AFAP1: variants seen among roughly 807,000 people sequenced by gnomAD.
AFAP1 encodes the protein actin filament associated protein 1, also known as actin filament-associated protein 1.
A neutral mutation model predicts 93.9 loss-of-function variants in AFAP1; 75 were observed. That is an observed-to-expected ratio of 0.80 (90% confidence interval 0.66 to 0.97). The LOEUF (loss-of-function observed/expected upper bound fraction) is 0.97, where lower values mean the gene tolerates loss of function less well. Among genes scored for constraint, AFAP1 ranks in the 50% least tolerant of loss-of-function variants. The pLI is 0.00. For synonymous variants in AFAP1, 517 were observed against 430.7 expected (o/e 1.20, Z -2.48); for missense variants, 1,201 against 1,050.8 (o/e 1.14, Z -1.98).
intron 1 of AFAP1, among the ~76,000 whole-genome samples, chr4:7,884,991 T>A (rs1019950406): frequency 1.3e-5 from 2 of 152,182 alleles, no homozygotes; most frequent in African/African-American, 4.8e-5. Context: ...GAGGAGAGGC[T>A]GGGTCAATGG....
chr4:7,933,907 T>C (rs1166746018), intron 1 of AFAP1, among the ~76,000 whole-genome samples: 2 of 152,208 alleles, frequency 1.3e-5, no homozygotes, highest in Non-Finnish European at 2.9e-5. Context: ...TGTGAGATGA[T>C]ACAATTTCAA....
chr4:7,832,212 C>T (rs186174673), intron 6 of AFAP1, among the ~76,000 whole-genome samples: 38 of 151,964 alleles, frequency 2.5e-4, no homozygotes, highest in African/African-American at 8.7e-4. Flanking sequence ...TAAGTAAGCT[C>T]GACAGTAGAA....
At position 7,778,756 on chromosome 4, in the gene AFAP1, A is replaced by G; in HGVS notation, c.1897+6T>C. 4 of 1,612,338 alleles carry G rather than the reference A, an allele frequency of 2.5e-6. No individual in the cohort carries two copies. Among genetic ancestry groups the G allele is most frequent in the Non-Finnish European group, 3.4e-6 (4 of 1,178,360 alleles). ...CGGAATGCAAGACATCCGATGGTAT[A>G]CTTACTCGAACCCGTCCTTTTCACA... On this transcript the variant is annotated splice_donor_region_variant and intron_variant, in intron 14 of 17. Coordinates refer to ENST00000420658, the MANE Select transcript of AFAP1 (RefSeq NM_001134647.2).
At chr4:7,826,739 A>T (rs1721454750) in intron 6 of AFAP1, among the ~76,000 whole-genome samples, 1 of 152,154 alleles carries the variant, frequency 6.6e-6, no homozygotes, top group Non-Finnish European at 1.5e-5. Context: ...AGCTGCAACA[A>T]CGTGCAGCCC....
At chr4:7,862,787 A>G (rs917211509) in intron 3 of AFAP1, among the ~76,000 whole-genome samples, 1 of 152,144 alleles carries the variant, frequency 6.6e-6, no homozygotes, top group Admixed American at 6.6e-5. Flanking sequence ...GCCTTGATCT[A>G]GAGTTGTATG....
chr4:7,813,375 T>C lies in AFAP1; in HGVS notation c.904+2643A>G, dbSNP rs184971979. ...CACCATGCCAGACAAAAAGAAAATG[T>C]GTAAACCAAGGTCACCACCGTTTAA... On this transcript the variant is annotated intron_variant, in intron 8 of 17. Coordinates refer to ENST00000420658, the MANE Select transcript of AFAP1 (RefSeq NM_001134647.2). Among the ~76,000 whole-genome samples the C allele has an allele frequency of 1.4e-4, 21 of 152,368 alleles. 1 individual carries two copies. In the East Asian group the frequency reaches 3.5e-3, roughly 25 times the overall value.
At chr4:7,861,043 G>A (rs1380178588) in intron 3 of AFAP1, among the ~76,000 whole-genome samples, 3 of 152,154 alleles carry the variant, frequency 2.0e-5, no homozygotes, top group Non-Finnish European at 4.4e-5. Flanking sequence ...AATAAATGAC[G>A]AGAGCTGATC....
chr4:7,772,638 A>T, intron 16 of AFAP1, 182 bp downstream of exon 16: 1 of 595,998 alleles, frequency 1.7e-6, no homozygotes, highest in African/African-American at 1.9e-5. Flanking sequence ...AAAGCATGTC[A>T]GGAACACAGG....
At chr4:7,901,440 T>G (rs538136810) in intron 1 of AFAP1, among the ~76,000 whole-genome samples, 12 of 152,342 alleles carry the variant, frequency 7.9e-5, no homozygotes, top group African/African-American at 2.9e-4. Context: ...AATTACATAC[T>G]TCCGGTGCTA....
chr4:7,804,963 G>A (rs1045600674), intron 9 of AFAP1, among the ~76,000 whole-genome samples: 3 of 152,134 alleles, frequency 2.0e-5, no homozygotes, highest in African/African-American at 4.8e-5. Flanking sequence ...CCCACTCTTC[G>A]CAGTGTGTCC....
At chr4:7,889,542 C>CAAAA (rs576725041) in intron 1 of AFAP1, among the ~76,000 whole-genome samples, 1 of 60,678 alleles carries the variant, frequency 1.6e-5, no homozygotes, top group African/African-American at 6.0e-5. Context: ...AACTCCATCC[C>CAAAA]AAAAAAAAAA....
chr4:7,929,241 T>C (rs1295070977), intron 1 of AFAP1, among the ~76,000 whole-genome samples: 1 of 152,206 alleles, frequency 6.6e-6, no homozygotes, highest in African/African-American at 2.4e-5. Flanking sequence ...CAGTGATCAC[T>C]GCCCTGTGCC....
chr4:7,877,137 C>T (rs1717558544), intron 1 of AFAP1, among the ~76,000 whole-genome samples: 1 of 152,198 alleles, frequency 6.6e-6, no homozygotes, highest in South Asian at 2.1e-4. Context: ...CTCAAGGTAG[C>T]TAGTCAACTG....
Position 7,800,705 on chromosome 4 carries a change from G to A in AFAP1, c.1055-52C>T, listed in dbSNP as rs16841296. The A allele has an allele frequency of 4.3e-3, 6,811 of 1,591,740 alleles. 429 individuals carry two copies. The Admixed American group carries it at 0.11, about 25-fold the overall frequency. On this transcript the variant is annotated intron_variant, in intron 9 of 17. Coordinates refer to ENST00000420658, the MANE Select transcript of AFAP1 (RefSeq NM_001134647.2). ...GCCGCCTCGGACAAGACCAGGCGAG[G>A]TGAAGACGTCTAGGGTCACACTGAG...
intron 4 of AFAP1, among the ~76,000 whole-genome samples, chr4:7,852,984 G>A (rs759097620): frequency 9.2e-5 from 14 of 152,108 alleles, no homozygotes; most frequent in East Asian, 1.9e-4. Flanking sequence ...CCCGTCACCC[G>A]GGCAATGGTG....
At chr4:7,787,266 A>T (rs927613327) in intron 11 of AFAP1, among the ~76,000 whole-genome samples, 1 of 152,222 alleles carries the variant, frequency 6.6e-6, no homozygotes, top group Non-Finnish European at 1.5e-5. Flanking sequence ...AGGGCACGGG[A>T]GCGCTGTGCC....
chr4:7,779,126 T>C (rs948540987), intron 13 of AFAP1: 11 of 445,072 alleles, frequency 2.5e-5, no homozygotes, highest in Non-Finnish European at 4.4e-5. Context: ...ACTGCAGAAG[T>C]GGCCCCTTTC....
At chr4:7,837,549 G>A (rs537167140) in intron 6 of AFAP1, among the ~76,000 whole-genome samples, 1 of 152,266 alleles carries the variant, frequency 6.6e-6, no homozygotes, top group Admixed American at 6.5e-5. Flanking sequence ...TTATAAATAA[G>A]CCACTCAGTT....
At chr4:7,851,308 G>A (rs1276512621) in intron 4 of AFAP1, among the ~76,000 whole-genome samples, 1 of 152,122 alleles carries the variant, frequency 6.6e-6, no homozygotes, top group East Asian at 1.9e-4. Flanking sequence ...GTCAAAGCGG[G>A]TGTGTGACAG....
Sources: gnomAD v4.1 joint callset for allele counts (sites outside exome capture counted in the v4.1 genomes callset) on GRCh38, gnomAD v4.1.1 for gene constraint, MANE v1.5 for transcripts, NCBI Gene and HGNC (gene_info 2026-07-23, HGNC 2026-07-21) for gene names.